The following AATK variants were observed in gnomAD, a reference collection of about 807,000 sequenced individuals.
The protein encoded by AATK is serine/threonine-protein kinase LMTK1.
AATK carries 91 observed loss-of-function variants against 114.3 expected under a neutral mutation model. The ratio of observed to expected loss-of-function variants is 0.80; its 90% CI spans 0.67 to 0.95. The LOEUF (loss-of-function observed/expected upper bound fraction) is 0.95. AATK is among the 40% of genes least tolerant of loss of function. The pLI, the probability that AATK is intolerant of heterozygous loss-of-function variation, is 0.00. For missense variants in AATK, 2,176 were observed against 1,965.2 expected (o/e 1.11, Z -2.03); for synonymous variants, 1,075 against 916.5 (o/e 1.17, Z -3.12).
intron 1 of AATK, 63 bp downstream of exon 1, chr17:81,165,867 TGGGGCCCA>T: frequency 6.5e-7 from 1 of 1,535,464 alleles, no homozygotes; most frequent in Non-Finnish European, 8.8e-7. Context: ...CCGGGAGCCG[TGGGGCCCA>T]GGGGCATCAC....
intron 1 of AATK, among the ~76,000 whole-genome samples, chr17:81,153,808 C>T (rs1335808404): frequency 2.6e-5 from 4 of 152,170 alleles, no homozygotes; most frequent in Admixed American, 6.5e-5. Flanking sequence ...TGACAGCTCA[C>T]GCCTGTAATC....
At position 81,126,247 on chromosome 17, in the gene AATK, G is replaced by A. The variant is rs1382672029; in HGVS notation, c.755+180C>T. On this transcript the variant is annotated intron_variant, in intron 7 of 13. Transcript: ENST00000326724. This position sits in a 1 kb window ranked among gnomAD's most constrained non-coding sequence, Gnocchi z 5.1. ...CCTGCAAAGTGGGTGTCAAACCATTGTCTTCCCAATTTTTCAAAAACGTCA... is the reference window on the plus strand; with the variant it reads ...CCTGCAAAGTGGGTGTCAAACCATTATCTTCCCAATTTTTCAAAAACGTCA... Among the ~76,000 whole-genome samples the A allele has an allele frequency of 6.6e-6, 1 of 152,212 alleles. No individual in the cohort carries two copies. The highest frequency in any genetic ancestry group is 2.4e-5 in the African/African-American group (1 of 41,464).
intron 1 of AATK, among the ~76,000 whole-genome samples, chr17:81,143,584 T>C (rs1453843599): frequency 8.0e-6 from 1 of 125,016 alleles, no homozygotes; most frequent in Non-Finnish European, 1.7e-5. Context: ...CAGCCCCGCC[T>C]CCCGTGGCCA....
rs1361950224 is a variant in AATK, at chr17:81,120,754, T to C, written c.3182A>G (p.Gln1061Arg). The C allele has an allele frequency of 6.3e-7, 1 of 1,577,628 alleles. No individual in the cohort carries two copies. The highest frequency in any genetic ancestry group is 1.3e-5 in the African/African-American group (1 of 74,346). Residue 1061 changes from glutamine (Q) to arginine (R), a missense_variant, in exon 11 of 14, where the codon CAG (glutamine) becomes CGG (arginine). Gln to Arg is a conservative substitution (Grantham distance 43, BLOSUM62 1). Coordinates refer to ENST00000326724, the MANE Select transcript of AATK (RefSeq NM_001080395.3). ...GGGCTCTGGGGAGGACCCTTCAAGC[T>C]GCAGCAGTGGGGGCAGCACCTCCCC... ...GPGEVLPPLL[Q>R]LEGSSPEPST...
intron 1 of AATK, among the ~76,000 whole-genome samples, chr17:81,151,375 C>T (rs926260120): frequency 7.3e-6 from 1 of 136,158 alleles, no homozygotes; most frequent in Non-Finnish European, 1.6e-5. Flanking sequence ...TGCCTGGGAT[C>T]AAGCATTAAC....
chr17:81,120,065 G>A lies in AATK; in HGVS notation c.3754C>T (p.Leu1252Phe), dbSNP rs2060678980. The change falls in exon 12 of 14, where the codon CTC becomes TTC. Residue 1252 changes from leucine to phenylalanine, a missense_variant. Physicochemically the swap from Leu to Phe is conservative, Grantham distance 22. Transcript: ENST00000326724. ...LFDQESPTRE[L>F]GEPFPGAKES... ...TTGGCGCCCGGGAAGGGCTCCCCGAGCTCCCGGGTGGGGCTTTCCTGGAGG... is the reference window on the plus strand; with the variant it reads ...TTGGCGCCCGGGAAGGGCTCCCCGAACTCCCGGGTGGGGCTTTCCTGGAGG... 6 of 1,458,412 alleles carry A rather than the reference G, an allele frequency of 4.1e-6. No homozygotes were observed. The Admixed American group carries it at 1.2e-4, about 29-fold the overall frequency. 90.3% of individuals were successfully genotyped at this position (1,458,412 alleles called of 1,614,324 possible). A position where few individuals can be genotyped will look rare whatever the true frequency, so the allele number is the denominator to read the frequency against.
chr17:81,128,892 C>T, intron 3 of AATK: 4 of 1,157,408 alleles, frequency 3.5e-6, no homozygotes, highest in Non-Finnish European at 4.3e-6. Flanking sequence ...TGTGGCTGAG[C>T]AAGAGGCTGG....
At chr17:81,125,965 G>C (rs753488014) in intron 7 of AATK, 4 of 479,750 alleles carry the variant, frequency 8.3e-6, no homozygotes, top group Admixed American at 6.8e-5. Flanking sequence ...GCCGTGCGGC[G>C]TCTGGGGCTG....
rs1435580397 is a variant in AATK at position 81,118,359 on chromosome 17, G to T, written c.*43C>A. The stretch of plus-strand genomic sequence containing the variant: ...CCATCCTCGCTGCTGCCTGGCAGGG[G>T]CTCCGGTGACGCCAGCCTTGAGGGG... On this transcript the variant is annotated 3_prime_UTR_variant, in exon 14 of 14. Transcript: ENST00000326724. The T allele has an allele frequency of 1.3e-6, 2 of 1,573,610 alleles. No homozygotes were observed. Among genetic ancestry groups the T allele is most frequent in the Non-Finnish European group, 1.7e-6 (2 of 1,159,312 alleles).
Position 81,126,086 on chromosome 17 carries a change from GC to G in AATK, c.755+340del. The stretch of plus-strand genomic sequence containing the variant: ...AACCCTCCCTCCAGGGTCCTTCGAA[GC>G]AGGGTCTGTCTCCCTCAAGCCCCAA... On this transcript the variant is annotated intron_variant, in intron 7 of 13. Transcript: ENST00000326724. The surrounding 1 kb of genome is among the most constrained non-coding windows in gnomAD (Gnocchi z 5.1). 2.0e-6 allele frequency: 1 copy of G among 489,780 alleles called. No homozygotes were observed. Among genetic ancestry groups the G allele is most frequent in the Non-Finnish European group, 4.1e-6 (1 of 246,804 alleles). 30.3% of individuals were successfully genotyped at this position (489,780 alleles called of 1,614,324 possible).
In AATK at chr17:81,156,406, G is replaced by GT. The variant is rs780670512; in HGVS notation, c.55+9531dup. On this transcript the variant is annotated intron_variant, in intron 1 of 13. Transcript: ENST00000326724. ...AATGCAAATAAATGTTTTTTGTTTT[G>GT]TTTTGTTTTTGAGACAGAGTCTTGC... is the stretch of plus-strand genomic sequence containing the variant. Among the ~76,000 whole-genome samples, 95 of 151,604 alleles carry GT rather than the reference G, an allele frequency of 6.3e-4. No individual in the cohort carries two copies. The East Asian group carries it at 0.013, about 21-fold the overall frequency.
At chr17:81,139,324 C>T (rs755606384) in intron 1 of AATK, among the ~76,000 whole-genome samples, 1 of 152,188 alleles carries the variant, frequency 6.6e-6, no homozygotes, top group Non-Finnish European at 1.5e-5. Flanking sequence ...GTGGGGAGGC[C>T]TCTGTAGGGT....
At chr17:81,165,870 GGCCCAGGGGCATCACGTCC>G (rs2061483139) in intron 1 of AATK, 49 bp downstream of exon 1, 1 of 1,540,018 alleles carries the variant, frequency 6.5e-7, no homozygotes, top group Non-Finnish European at 8.8e-7. Context: ...GGAGCCGTGG[GGCCCAGGGGCATCACGTCC>G]GCAGCGGAGG....
intron 1 of AATK, among the ~76,000 whole-genome samples, chr17:81,144,521 AAGG>A: frequency 6.6e-6 from 1 of 152,336 alleles, no homozygotes; most frequent in South Asian, 2.1e-4. Context: ...ATGGAGGGGC[AAGG>A]GGGCCGGGCA....
intron 1 of AATK, among the ~76,000 whole-genome samples, chr17:81,142,610 C>T (rs2061154987): frequency 6.6e-6 from 1 of 152,218 alleles, no homozygotes; most frequent in South Asian, 2.1e-4. Flanking sequence ...TGGGAAGAGG[C>T]AGAGCCAGCC....
rs532698840 is a variant in AATK at position 81,143,714 on chromosome 17, C to A, written c.56-9213G>T. Reference sequence around the variant, plus strand: ...CCAGGACTGTGTGGAGTCCAGGGGCCCCACGGTGGGTGGCCATGGGGTGTG... The same window carrying A: ...CCAGGACTGTGTGGAGTCCAGGGGCACCACGGTGGGTGGCCATGGGGTGTG... On this transcript the variant is annotated intron_variant, in intron 1 of 13. Transcript: ENST00000326724. Among the ~76,000 whole-genome samples, 276 of 152,312 alleles carry A rather than the reference C, an allele frequency of 1.8e-3. 1 individual carries two copies. Among genetic ancestry groups the A allele is most frequent in the Non-Finnish European group, 3.3e-3 (224 of 68,018 alleles).
chr17:81,126,507 G>A lies in AATK; in HGVS notation c.675C>T (p.Pro225=), dbSNP rs551450953. 76 of 1,550,808 alleles carry A rather than the reference G, an allele frequency of 4.9e-5. No homozygotes were observed. The Middle Eastern group carries it at 8.4e-4, about 17-fold the overall frequency. The change falls in exon 7 of 14, where the codon CCC becomes CCT. Residue 225 remains proline, a synonymous_variant. Coordinates refer to ENST00000326724, the MANE Select transcript of AATK (RefSeq NM_001080395.3). The surrounding 1 kb of genome is among the most constrained non-coding windows in gnomAD (Gnocchi z 5.1). ...CCATGCGCTGCAGGGTCCGGGGGTC[G>A]GGAGCCATGGACTCCGCCACCCGGC... The part of the protein sequence containing the change: ...RSCRVAESMA[P]DPRTLQRMAC...
intron 4 of AATK, 27 bp downstream of exon 4, chr17:81,128,443 G>T: frequency 1.3e-6 from 2 of 1,548,062 alleles, no homozygotes; most frequent in Non-Finnish European, 1.7e-6. Context: ...CCAGGCGGGA[G>T]TCCTCCCTCC....
chr17:81,160,377 G>A (rs1013003620), intron 1 of AATK: 9 of 425,116 alleles, frequency 2.1e-5, no homozygotes, highest in Non-Finnish European at 2.8e-5. Flanking sequence ...GAGGGAGGCT[G>A]GAGACCCGGC....
Sources: gnomAD v4.1 joint callset for allele counts (sites outside exome capture counted in the v4.1 genomes callset) on GRCh38, gnomAD v4.1.1 for gene constraint, Gnocchi (gnomAD v3.1) non-coding constraint, MANE v1.5 for transcripts, NCBI Gene and HGNC (gene_info 2026-07-23, HGNC 2026-07-21) for gene names.